The following SUGCT variants were observed in gnomAD, a reference collection of about 807,000 sequenced individuals.
SUGCT encodes succinyl-CoA:glutarate CoA-transferase.
Under a neutral mutation model 55.0 loss-of-function variants are expected in SUGCT, and 41 were observed. The ratio of observed to expected loss-of-function variants is 0.74; its 90% CI spans 0.58 to 0.97. The LOEUF (loss-of-function observed/expected upper bound fraction) is 0.97, where lower values mean the gene tolerates loss of function less well. Ranked by LOEUF, SUGCT falls within the 50% of genes least tolerant of loss-of-function variation. SUGCT has a pLI of 0.00. For synonymous variants in SUGCT, 187 were observed against 200.4 expected, an observed-to-expected ratio of 0.93 and a Z score of 0.56; for missense variants, 568 against 547.8, an observed-to-expected ratio of 1.04 and a Z score of -0.37.
chr7:40,795,991 T>C (rs924871013), intron 13 of SUGCT, among the ~76,000 whole-genome samples: 32 of 152,210 alleles, frequency 2.1e-4, no homozygotes, highest in African/African-American at 7.5e-4. Flanking sequence ...AGGTACTTTC[T>C]TGACCTCTTT....
intron 12 of SUGCT, among the ~76,000 whole-genome samples, chr7:40,692,686 T>C (rs1784752093): frequency 6.6e-6 from 1 of 152,134 alleles, no homozygotes; most frequent in African/African-American, 2.4e-5. Flanking sequence ...GGAGAGAGGA[T>C]TCCAGAAGCA....
chr7:40,350,945 T>A (rs1257644167), intron 9 of SUGCT, among the ~76,000 whole-genome samples: 1 of 152,170 alleles, frequency 6.6e-6, no homozygotes, highest in East Asian at 1.9e-4. Flanking sequence ...GTTTCATCCA[T>A]GTCCCAGCAA....
the SUGCT span, among the ~76,000 whole-genome samples, chr7:40,913,008 ATTTT>A: frequency 7.4e-5 from 9 of 121,584 alleles, no homozygotes; most frequent in African/African-American, 2.6e-4. Context: ...GCTGGATCCA[ATTTT>A]TTTTTTTTTT....
At chr7:40,301,515 G>A (rs1194879957) in intron 8 of SUGCT, among the ~76,000 whole-genome samples, 2 of 152,136 alleles carry the variant, frequency 1.3e-5, no homozygotes, top group Admixed American at 6.5e-5. Flanking sequence ...TGCATTTCTT[G>A]TCCTATTCCA....
At chr7:40,203,911 T>C (rs866018019) in intron 6 of SUGCT, among the ~76,000 whole-genome samples, 1 of 152,178 alleles carries the variant, frequency 6.6e-6, no homozygotes, top group South Asian at 2.1e-4. Context: ...TAAAAATATA[T>C]TTTCCTGCTA....
At chr7:40,442,621 C>A (rs1011189256) in intron 9 of SUGCT, among the ~76,000 whole-genome samples, 4 of 151,922 alleles carry the variant, frequency 2.6e-5, no homozygotes, top group African/African-American at 9.7e-5. Context: ...GGTAATCTAG[C>A]TCATATACTT....
At chr7:40,625,627 T>C (rs1179138324) in intron 12 of SUGCT, among the ~76,000 whole-genome samples, 1 of 152,178 alleles carries the variant, frequency 6.6e-6, no homozygotes, top group African/African-American at 2.4e-5. Context: ...CCCAGGCAAC[T>C]CATTAGGGTA....
chr7:40,809,871 A>G (rs747111746), intron 13 of SUGCT, among the ~76,000 whole-genome samples: 6 of 152,152 alleles, frequency 3.9e-5, no homozygotes, highest in Non-Finnish European at 5.9e-5. Flanking sequence ...ATGTGAGAAC[A>G]TATGGTATTT....
chr7:40,431,092 T>A (rs542153351), intron 9 of SUGCT, among the ~76,000 whole-genome samples: 6 of 134,440 alleles, frequency 4.5e-5, no homozygotes, highest in Non-Finnish European at 7.6e-5. Flanking sequence ...CACTCCAGCC[T>A]GGGCAACAGA....
chr7:40,524,028 T>C (rs1793687018), intron 12 of SUGCT, among the ~76,000 whole-genome samples: 1 of 152,184 alleles, frequency 6.6e-6, no homozygotes, highest in South Asian at 2.1e-4. Flanking sequence ...ATTGAATCTT[T>C]CTATAGTAGC....
At chr7:40,476,287 A>T (rs2151479472) in intron 11 of SUGCT, among the ~76,000 whole-genome samples, 1 of 152,326 alleles carries the variant, frequency 6.6e-6, no homozygotes, top group African/African-American at 2.4e-5. Flanking sequence ...GCTATGTGGA[A>T]CAGGGAACAA....
At chr7:40,465,533 C>T (rs1346053538) in intron 11 of SUGCT, among the ~76,000 whole-genome samples, 1 of 152,050 alleles carries the variant, frequency 6.6e-6, no homozygotes, top group East Asian at 1.9e-4. Context: ...TTGCTTGAAC[C>T]CGGGAGGCGG....
intron 12 of SUGCT, among the ~76,000 whole-genome samples, chr7:40,507,498 C>G (rs781658910): frequency 2.0e-5 from 3 of 152,142 alleles, no homozygotes; most frequent in Admixed American, 6.5e-5. Flanking sequence ...TACTCACCCC[C>G]CTACCCCTGC....
At chr7:40,234,285 C>T (rs113760084) in intron 6 of SUGCT, among the ~76,000 whole-genome samples, 3,272 of 152,226 alleles carry the variant, frequency 0.021, 102 homozygotes, top group African/African-American at 0.074. Context: ...GCCTTCCTGC[C>T]GATGGTGGCA....
chr7:40,242,100 A>G lies in SUGCT; in HGVS notation c.576+4374A>G, dbSNP rs535351335. Among the ~76,000 whole-genome samples the G allele has an allele frequency of 7.2e-4, 110 of 152,222 alleles. 1 individual carries two copies. Among genetic ancestry groups the G allele is most frequent in the African/African-American group, 2.5e-3 (104 of 41,550 alleles). On this transcript the variant is annotated intron_variant, in intron 7 of 13. Coordinates refer to ENST00000335693, the MANE Select transcript of SUGCT (RefSeq NM_001193313.2). ...TCCTACACTATGCCAGACAGATGAT[A>G]GACATTTTACATATGTATTTTGATC...
At position 40,779,447 on chromosome 7, in the gene SUGCT, T is replaced by C. The variant is rs2128735904; in HGVS notation, c.1153+29950T>C. On this transcript the variant is annotated intron_variant, in intron 13 of 13. Transcript: ENST00000335693. ...ATAAATTGTATGAAACACTTTTGTC[T>C]CCTACTTGGAGGCTTAACAAGATTT... Among the ~76,000 whole-genome samples, 2 of 152,250 alleles carry C rather than the reference T, an allele frequency of 1.3e-5. 1 individual carries two copies. Among genetic ancestry groups the C allele is most frequent in the South Asian group, 4.1e-4 (2 of 4,822 alleles).
intron 12 of SUGCT, among the ~76,000 whole-genome samples, chr7:40,733,635 G>T (rs1787010666): frequency 6.6e-6 from 1 of 152,206 alleles, no homozygotes; most frequent in Admixed American, 6.5e-5. Context: ...GGCACAAGGA[G>T]GATGTCATGT....
intron 13 of SUGCT, among the ~76,000 whole-genome samples, chr7:40,820,493 T>C (rs908025982): frequency 6.6e-6 from 1 of 152,204 alleles, no homozygotes; most frequent in Non-Finnish European, 1.5e-5. Context: ...CCCTTGTAAG[T>C]TGGATTCCTA....
At chr7:40,740,381 AT>A (rs1419805081) in intron 12 of SUGCT, among the ~76,000 whole-genome samples, 1 of 150,962 alleles carries the variant, frequency 6.6e-6, no homozygotes, top group African/African-American at 2.4e-5. Flanking sequence ...TTAATTTTTT[AT>A]ATTTGTTCCT....
Sources: allele counts gnomAD v4.1 joint callset (sites outside exome capture counted in the v4.1 genomes callset), GRCh38; gene constraint gnomAD v4.1.1; transcripts MANE v1.5; gene names NCBI Gene and HGNC (gene_info 2026-07-23, HGNC 2026-07-21).